The following MAML3 variants were observed in gnomAD, a reference collection of about 807,000 sequenced individuals.
MAML3 encodes the protein mastermind like transcriptional coactivator 3.
In MAML3, 27 loss-of-function variants were observed where a neutral mutation model predicts 101.9. The ratio of observed to expected loss-of-function variants is 0.27; its 90% CI spans 0.20 to 0.37. MAML3 has a LOEUF of 0.37. Among genes scored for constraint, MAML3 ranks in the 10% least tolerant of loss-of-function variants. The pLI, the probability that MAML3 is intolerant of heterozygous loss-of-function variation, is 1.00. For synonymous variants in MAML3, 501 were observed against 555.9 expected, an observed-to-expected ratio of 0.90 and a Z score of 1.39; for missense variants, 1,316 against 1,444.9, an observed-to-expected ratio of 0.91 and a Z score of 1.45.
At chr4:139,929,794 G>A (rs1259662477) in intron 1 of MAML3, among the ~76,000 whole-genome samples, 2 of 152,192 alleles carry the variant, frequency 1.3e-5, no homozygotes, top group African/African-American at 2.4e-5. Flanking sequence ...GTGTTTGCAG[G>A]ATGATAGACA....
rs796311227 is a variant in MAML3 at position 140,104,375 on chromosome 4, T to A, written c.468+48485A>T. On this transcript the variant is annotated intron_variant, in intron 1 of 4. Transcript: ENST00000509479. ...ACCAAACCTATTTTATATATATATA[T>A]AATATATATATATTATATATTATAT... Among the ~76,000 whole-genome samples the A allele has an allele frequency of 1.3e-4, 15 of 111,236 alleles. No individual in the cohort carries two copies. The South Asian group carries it at 3.0e-3, about 22-fold the overall frequency. 73.0% of individuals were successfully genotyped at this position (111,236 alleles called of 152,430 possible).
At chr4:140,044,127 G>A (rs200689124) in intron 1 of MAML3, among the ~76,000 whole-genome samples, 9 of 147,640 alleles carry the variant, frequency 6.1e-5, no homozygotes, top group Admixed American at 6.7e-5. Context: ...AAGAAAGAAA[G>A]AAAAAAAAAA....
intron 2 of MAML3, among the ~76,000 whole-genome samples, chr4:139,781,507 T>TTATATATATATATATATATATATATATA (rs1245401496): frequency 9.6e-6 from 1 of 104,348 alleles, no homozygotes; most frequent in Admixed American, 1.0e-4. Flanking sequence ...CAGAGCATTT[T>TTATATATATATATATATATATATATATA]CATATATATA....
intron 2 of MAML3, among the ~76,000 whole-genome samples, chr4:139,770,697 A>G (rs1729958207): frequency 6.6e-6 from 1 of 152,230 alleles, no homozygotes; most frequent in Admixed American, 6.5e-5. Flanking sequence ...ATCTCTTTTT[A>G]GAATTAGCTC....
intron 2 of MAML3, among the ~76,000 whole-genome samples, chr4:139,837,876 C>T (rs559836101): frequency 9.2e-5 from 14 of 151,548 alleles, no homozygotes; most frequent in African/African-American, 2.4e-4. Flanking sequence ...GCCGAGATCA[C>T]GCCACTGCAC....
intron 1 of MAML3, among the ~76,000 whole-genome samples, chr4:139,998,435 T>C (rs529238891): frequency 6.8e-4 from 103 of 152,236 alleles, no homozygotes; most frequent in Non-Finnish European, 1.1e-3. Flanking sequence ...CCTTTAATGC[T>C]TTAAACATGG....
At chr4:139,932,602 T>C (rs1733423207) in intron 1 of MAML3, among the ~76,000 whole-genome samples, 1 of 152,236 alleles carries the variant, frequency 6.6e-6, no homozygotes, top group Non-Finnish European at 1.5e-5. Context: ...TAATAGACAC[T>C]ATCTTTGAAC....
chr4:139,931,998 G>A (rs557262366), intron 1 of MAML3, among the ~76,000 whole-genome samples: 14 of 151,846 alleles, frequency 9.2e-5, no homozygotes, highest in African/African-American at 2.2e-4. Context: ...CAGCCTGGGC[G>A]ATAAGAACAA....
intron 1 of MAML3, among the ~76,000 whole-genome samples, chr4:140,122,061 C>T (rs543941328): frequency 6.6e-6 from 1 of 152,064 alleles, no homozygotes; most frequent in African/African-American, 2.4e-5. Flanking sequence ...CTGAGGCCTC[C>T]CCAGCCATTT....
At chr4:139,834,315 C>T (rs1337895185) in intron 2 of MAML3, among the ~76,000 whole-genome samples, 1 of 152,206 alleles carries the variant, frequency 6.6e-6, no homozygotes, top group Non-Finnish European at 1.5e-5. Context: ...CAATACAATA[C>T]TGTATTCTGT....
intron 1 of MAML3, among the ~76,000 whole-genome samples, chr4:139,952,369 G>T (rs1257651467): frequency 1.3e-5 from 2 of 150,104 alleles, no homozygotes; most frequent in East Asian, 3.9e-4. Context: ...ATGCAGTGGG[G>T]CAGTTCTGGG....
At chr4:139,782,812 G>A (rs1023042778) in intron 2 of MAML3, among the ~76,000 whole-genome samples, 1 of 152,314 alleles carries the variant, frequency 6.6e-6, no homozygotes, top group East Asian at 1.9e-4. Flanking sequence ...CCACAGCTCT[G>A]AGCTGCTGGA....
chr4:140,037,116 AAC>A (rs1195358413), intron 1 of MAML3, among the ~76,000 whole-genome samples: 1 of 152,174 alleles, frequency 6.6e-6, no homozygotes, highest in Non-Finnish European at 1.5e-5. Context: ...ACGATCATAT[AAC>A]ACAGTTCAGT....
intron 1 of MAML3, among the ~76,000 whole-genome samples, chr4:140,149,678 T>G (rs1056037253): frequency 6.6e-6 from 1 of 152,164 alleles, no homozygotes; most frequent in Non-Finnish European, 1.5e-5. Context: ...ATTATTTGGT[T>G]GTGGGTGATC....
intron 1 of MAML3, among the ~76,000 whole-genome samples, chr4:139,935,710 T>G (rs1305159289): frequency 6.6e-6 from 1 of 152,108 alleles, no homozygotes; most frequent in Non-Finnish European, 1.5e-5. Flanking sequence ...CATAATTTAT[T>G]TTTGTGCTTT....
chr4:139,813,056 CTTATAAA>C (rs992438308), intron 2 of MAML3, among the ~76,000 whole-genome samples: 4 of 148,828 alleles, frequency 2.7e-5, no homozygotes, highest in Non-Finnish European at 5.9e-5. Context: ...AAATAAAACT[CTTATAAA>C]TTAGAAATAT....
At chr4:140,040,478 C>T (rs973154823) in intron 1 of MAML3, among the ~76,000 whole-genome samples, 3 of 152,208 alleles carry the variant, frequency 2.0e-5, no homozygotes, top group African/African-American at 7.2e-5. Context: ...GCAACTCTCC[C>T]TCTCCTACAC....
At chr4:139,837,751 C>G (rs1316871760) in intron 2 of MAML3, among the ~76,000 whole-genome samples, 1 of 151,746 alleles carries the variant, frequency 6.6e-6, no homozygotes, top group East Asian at 2.0e-4. Context: ...GAAGCCCTGT[C>G]TCTACTAAAA....
intron 2 of MAML3, among the ~76,000 whole-genome samples, chr4:139,806,127 G>A (rs912590984): frequency 1.3e-4 from 20 of 152,136 alleles, no homozygotes; most frequent in Admixed American, 5.9e-4. Context: ...AAAATAATTA[G>A]AAGTTACAAG....
Sources: allele counts gnomAD v4.1 joint callset (sites outside exome capture counted in the v4.1 genomes callset), GRCh38; gene constraint gnomAD v4.1.1; transcripts MANE v1.5; gene names NCBI Gene and HGNC (gene_info 2026-07-23, HGNC 2026-07-21).